The following WDPCP variants were observed in gnomAD, a reference collection of about 807,000 sequenced individuals.
WDPCP encodes WD repeat containing planar cell polarity effector.
WDPCP carries 71 observed loss-of-function variants against 93.1 expected under a neutral mutation model. The ratio of observed to expected loss-of-function variants is 0.76; its 90% CI spans 0.63 to 0.93. The LOEUF (loss-of-function observed/expected upper bound fraction) is 0.93, where lower values mean the gene tolerates loss of function less well. WDPCP is among the 40% of genes least tolerant of loss of function. WDPCP has a pLI of 0.00. For missense variants in WDPCP, 844 were observed against 887.4 expected (o/e 0.95, Z 0.62); for synonymous variants, 315 against 315.0 (o/e 1.00, Z 0.00).
rs746722206 is a variant in WDPCP, at chr2:63,259,490, T to C, written c.1813-81A>G. On this transcript the variant is annotated intron_variant, in intron 13 of 17. Transcript: ENST00000272321. ...CAAGGAGGATTTTGAAGGAAACTTA[T>C]TGTCCAGATTACAAAATAGAAACAG... 1.1e-5 allele frequency: 12 copies of C among 1,071,104 alleles called. No homozygotes were observed. In the Admixed American group the frequency reaches 1.4e-4, roughly 13 times the overall value. 66.4% of individuals were successfully genotyped at this position (1,071,104 alleles called of 1,614,324 possible). A position where few individuals can be genotyped will look rare whatever the true frequency, so the allele number is the denominator to read the frequency against.
intron 6 of WDPCP, among the ~76,000 whole-genome samples, chr2:63,479,334 A>G (rs1469176817): frequency 3.3e-5 from 5 of 152,150 alleles, no homozygotes; most frequent in African/African-American, 4.8e-5. Context: ...AAATCATTCT[A>G]TGAAGCCAGT....
At chr2:63,161,787 G>A (rs1269859971) in intron 15 of WDPCP, among the ~76,000 whole-genome samples, 6 of 145,616 alleles carry the variant, frequency 4.1e-5, no homozygotes, top group Middle Eastern at 3.5e-3. Flanking sequence ...TTTTTGACAC[G>A]GAGTCTTGCT....
At chr2:63,707,429 G>C (rs1023917378) in intron 2 of WDPCP, among the ~76,000 whole-genome samples, 1 of 152,122 alleles carries the variant, frequency 6.6e-6, no homozygotes, top group African/African-American at 2.4e-5. Flanking sequence ...CGGTTACTGA[G>C]GCTTGTGCAT....
At position 63,392,237 on chromosome 2, in the gene WDPCP, C is replaced by A. The variant is rs180778291; in HGVS notation, c.1436-10143G>T. Among the ~76,000 whole-genome samples, 153 of 152,286 alleles carry A rather than the reference C, an allele frequency of 1.0e-3. No individual in the cohort carries two copies. In the Middle Eastern group the frequency reaches 0.017, roughly 17 times the overall value. On this transcript the variant is annotated intron_variant, in intron 10 of 17. Coordinates refer to ENST00000272321, the MANE Select transcript of WDPCP (RefSeq NM_015910.7). ...AGGCCTTGGAAATAACACCACACAT[C>A]TACAACCATCTGATCTTTGACAAAC...
At chr2:63,645,964 A>G (rs1405670042) in intron 3 of WDPCP, among the ~76,000 whole-genome samples, 1 of 152,028 alleles carries the variant, frequency 6.6e-6, no homozygotes, top group Admixed American at 6.5e-5. Flanking sequence ...CAGCCACTCT[A>G]TGTCTTTTGA....
chr2:63,202,926 C>T (rs1158848081), intron 14 of WDPCP, among the ~76,000 whole-genome samples: 1 of 152,030 alleles, frequency 6.6e-6, no homozygotes, highest in East Asian at 1.9e-4. Context: ...CTAATCTGAA[C>T]TTTTTATAAG....
intron 1 of WDPCP, among the ~76,000 whole-genome samples, chr2:63,528,623 T>G (rs948586794): frequency 2.0e-5 from 3 of 152,220 alleles, no homozygotes; most frequent in Non-Finnish European, 2.9e-5. Flanking sequence ...TGTGGACTTG[T>G]AGTATAGTTT....
intron 2 of WDPCP, among the ~76,000 whole-genome samples, chr2:63,703,990 T>C (rs1669105824): frequency 2.6e-5 from 4 of 152,202 alleles, no homozygotes; most frequent in Non-Finnish European, 4.4e-5. Context: ...CAGTGGTTTG[T>C]AGTGCTCCTT....
At chr2:63,385,064 G>GA (rs1288797315) in intron 10 of WDPCP, among the ~76,000 whole-genome samples, 9 of 151,990 alleles carry the variant, frequency 5.9e-5, no homozygotes, top group South Asian at 2.1e-4. Flanking sequence ...AGAAAAAAGA[G>GA]AAAAAACCTA....
chr2:63,732,911 T>G (rs190802833), intron 2 of WDPCP, among the ~76,000 whole-genome samples: 2 of 152,048 alleles, frequency 1.3e-5, no homozygotes, highest in Non-Finnish European at 2.9e-5. Context: ...ACTACAGATA[T>G]GTAAAAAGTC....
intron 17 of WDPCP, among the ~76,000 whole-genome samples, chr2:63,146,212 G>A (rs1233151235): frequency 1.3e-5 from 2 of 152,226 alleles, no homozygotes; most frequent in East Asian, 3.9e-4. Context: ...TCTCTTGCCT[G>A]GTTGCTCTGG....
chr2:63,665,123 A>G (rs977374874), intron 2 of WDPCP, among the ~76,000 whole-genome samples: 3 of 152,230 alleles, frequency 2.0e-5, no homozygotes, highest in African/African-American at 7.2e-5. Context: ...TAAAGGAATT[A>G]TGGTTCTATT....
At chr2:63,678,177 C>T (rs1240461689) in intron 2 of WDPCP, among the ~76,000 whole-genome samples, 1 of 152,170 alleles carries the variant, frequency 6.6e-6, no homozygotes, top group Non-Finnish European at 1.5e-5. Context: ...TTTCTTTCTG[C>T]TCCATCGTTC....
intron 1 of WDPCP, among the ~76,000 whole-genome samples, chr2:63,560,160 T>C (rs1706485500): frequency 6.6e-6 from 1 of 152,086 alleles, no homozygotes; most frequent in Non-Finnish European, 1.5e-5. Flanking sequence ...GAGGTGGAAC[T>C]TGCAGTGAGC....
chr2:63,588,320 C>T lies in WDPCP; in HGVS notation c.-49G>A. ...AGGTTCCTAGGCTAGGTCCTCGGAC[C>T]CGAGAGGGAGCGACACGCTCGCTTG... On this transcript the variant is annotated 5_prime_UTR_variant, in exon 1 of 18. Coordinates refer to ENST00000272321, the MANE Select transcript of WDPCP (RefSeq NM_015910.7). The T allele has an allele frequency of 1.3e-6, 2 of 1,551,338 alleles. No individual in the cohort carries two copies. Among genetic ancestry groups the T allele is most frequent in the Non-Finnish European group, 1.7e-6 (2 of 1,145,192 alleles).
intron 12 of WDPCP, among the ~76,000 whole-genome samples, chr2:63,352,359 A>G (rs1459367756): frequency 6.6e-6 from 1 of 152,212 alleles, no homozygotes; most frequent in Non-Finnish European, 1.5e-5. Context: ...CCTATACTTC[A>G]TATTCTTATC....
intron 17 of WDPCP, among the ~76,000 whole-genome samples, chr2:63,132,058 A>G (rs1175590130): frequency 6.6e-6 from 1 of 150,894 alleles, no homozygotes; most frequent in African/African-American, 2.4e-5. Context: ...CTGGTCTTGA[A>G]CTCCTGATCT....
At chr2:63,531,687 A>C (rs560256235) in intron 1 of WDPCP, among the ~76,000 whole-genome samples, 1 of 152,280 alleles carries the variant, frequency 6.6e-6, no homozygotes, top group South Asian at 2.1e-4. Flanking sequence ...GGACATCCAC[A>C]CCAAAACCCC....
rs923621126 is a variant in WDPCP at position 63,575,429 on chromosome 2, T to A, written c.75+12768A>T. Among the ~76,000 whole-genome samples, 10 of 1,792 alleles carry A rather than the reference T, an allele frequency of 5.6e-3. 1 individual carries two copies. The highest frequency in any genetic ancestry group is 0.015 in the African/African-American group (8 of 540). 1.2% of individuals were successfully genotyped at this position (1,792 alleles called of 152,430 possible). A position where few individuals can be genotyped will look rare whatever the true frequency, so the allele number is the denominator to read the frequency against. On this transcript the variant is annotated intron_variant, in intron 1 of 17. Transcript: ENST00000272321. Reference sequence around the variant, plus strand: ...TATACAGTATATACACTGTATACAGTGTATATACAGTGTATACACTGTATA... The same window carrying A: ...TATACAGTATATACACTGTATACAGAGTATATACAGTGTATACACTGTATA...
Sources: allele counts gnomAD v4.1 joint callset (sites outside exome capture counted in the v4.1 genomes callset), GRCh38; gene constraint gnomAD v4.1.1; transcripts MANE v1.5; gene names NCBI Gene and HGNC (gene_info 2026-07-23, HGNC 2026-07-21).